Variants in LRRTM4 observed in about 807,000 individuals in gnomAD.
The protein encoded by LRRTM4 is leucine-rich repeat transmembrane neuronal protein 4.
Under a neutral mutation model 47.6 loss-of-function variants are expected in LRRTM4, and 25 were observed. That is an observed-to-expected ratio of 0.53 (90% CI 0.38 to 0.73). LRRTM4 has a LOEUF of 0.73. LRRTM4 is among the 30% of genes least tolerant of loss of function. The probability of loss-of-function intolerance (pLI) is 0.00; values close to 1 mark genes in which losing one functional copy is unlikely to be tolerated. For synonymous variants in LRRTM4, 311 were observed against 269.5 expected, an observed-to-expected ratio of 1.15 and a Z score of -1.51; for missense variants, 638 against 713.4, an observed-to-expected ratio of 0.89 and a Z score of 1.20.
chr2:77,375,467 A>G (rs1558714156), intron 3 of LRRTM4, among the ~76,000 whole-genome samples: 1 of 151,674 alleles, frequency 6.6e-6, no homozygotes, highest in Non-Finnish European at 1.5e-5. Flanking sequence ...CATGAGATAT[A>G]CTCTCTTGAC....
chr2:77,170,840 T>TTA (rs150252583), intron 3 of LRRTM4, among the ~76,000 whole-genome samples: 4,356 of 149,134 alleles, frequency 0.029, 179 homozygotes, highest in African/African-American at 0.099. Context: ...GTATAAAACC[T>TTA]TATATATATA....
chr2:77,037,771 C>A (rs1352924282), intron 3 of LRRTM4, among the ~76,000 whole-genome samples: 1 of 151,762 alleles, frequency 6.6e-6, no homozygotes, highest in Non-Finnish European at 1.5e-5. Context: ...GGAACATCAA[C>A]CACCAGAGTT....
chr2:76,983,073 TCAAA>T (rs1676669586), intron 3 of LRRTM4, among the ~76,000 whole-genome samples: 3 of 152,058 alleles, frequency 2.0e-5, no homozygotes, highest in Non-Finnish European at 4.4e-5. Context: ...TCCTTTACAT[TCAAA>T]CAGATTTTAA....
At chr2:77,314,565 C>T (rs1677563569) in intron 3 of LRRTM4, among the ~76,000 whole-genome samples, 1 of 151,986 alleles carries the variant, frequency 6.6e-6, no homozygotes, top group Non-Finnish European at 1.5e-5. Context: ...AAAAGTTATT[C>T]GGCAGGATTA....
intron 3 of LRRTM4, among the ~76,000 whole-genome samples, chr2:76,807,138 C>T (rs944245405): frequency 6.6e-6 from 1 of 151,970 alleles, no homozygotes; most frequent in East Asian, 1.9e-4. Flanking sequence ...AAATACCCTA[C>T]TTAGTCATTT....
intron 3 of LRRTM4, among the ~76,000 whole-genome samples, chr2:77,254,758 A>T (rs1675715188): frequency 6.6e-6 from 1 of 151,906 alleles, no homozygotes; most frequent in South Asian, 2.1e-4. Context: ...ATGCATAGAG[A>T]AAATACTTAA....
intron 3 of LRRTM4, among the ~76,000 whole-genome samples, chr2:77,130,855 G>T (rs1423889835): frequency 1.5e-4 from 3 of 20,262 alleles, no homozygotes; most frequent in Non-Finnish European, 8.3e-5. Context: ...TTTTTTTTGA[G>T]ACGGAGTCTC....
intron 3 of LRRTM4, among the ~76,000 whole-genome samples, chr2:76,999,446 A>G (rs116118761): frequency 5.2e-5 from 7 of 133,464 alleles, no homozygotes; most frequent in Non-Finnish European, 5.9e-5. Context: ...AAAGGAAACA[A>G]AACAAAAAAA....
intron 3 of LRRTM4, among the ~76,000 whole-genome samples, chr2:77,476,973 T>A (rs1001846665): frequency 4.9e-5 from 7 of 143,148 alleles, no homozygotes; most frequent in Non-Finnish European, 9.2e-5. Context: ...GATGTGTGTG[T>A]GTGTGTGTGT....
At chr2:76,841,964 G>C (rs1027312709) in intron 3 of LRRTM4, among the ~76,000 whole-genome samples, 8 of 152,138 alleles carry the variant, frequency 5.3e-5, no homozygotes, top group African/African-American at 1.9e-4. Context: ...GACATTTCTT[G>C]TGATGATTAA....
At chr2:77,415,600 C>A (rs1339491661) in intron 3 of LRRTM4, among the ~76,000 whole-genome samples, 1 of 152,276 alleles carries the variant, frequency 6.6e-6, no homozygotes, top group African/African-American at 2.4e-5. Flanking sequence ...CATTCTACTG[C>A]TCCCATCTAT....
chr2:76,787,700 G>A (rs1674751362), intron 3 of LRRTM4, among the ~76,000 whole-genome samples: 1 of 152,008 alleles, frequency 6.6e-6, no homozygotes, highest in South Asian at 2.1e-4. Context: ...TATTCGGGTT[G>A]ATTCTTATCC....
chr2:76,938,268 C>T (rs1050404183), intron 3 of LRRTM4, among the ~76,000 whole-genome samples: 1 of 152,112 alleles, frequency 6.6e-6, no homozygotes, highest in Non-Finnish European at 1.5e-5. Context: ...AAAAATGCAT[C>T]ATTTGGTCCT....
In LRRTM4 at chr2:76,763,063, C is replaced by T. The variant is rs541791442; in HGVS notation, c.1552-14147G>A. Among the ~76,000 whole-genome samples the T allele has an allele frequency of 3.9e-5, 6 of 152,178 alleles. No homozygotes were observed. In the South Asian group the frequency reaches 1.0e-3, roughly 26 times the overall value. On this transcript the variant is annotated intron_variant, in intron 3 of 3. Transcript: ENST00000409884. ...AGAATGGCATTCTCTTCCTTTCTAT[C>T]GCCTAGGATTGAGGAGGTAGGAAGT...
intron 3 of LRRTM4, among the ~76,000 whole-genome samples, chr2:77,291,752 T>G (rs992870320): frequency 1.3e-5 from 2 of 152,180 alleles, no homozygotes; most frequent in African/African-American, 4.8e-5. Context: ...TTATTTTGAA[T>G]GACAAAAATT....
chr2:77,133,877 T>C (rs1002081851), intron 3 of LRRTM4, among the ~76,000 whole-genome samples: 10 of 152,230 alleles, frequency 6.6e-5, no homozygotes, highest in African/African-American at 2.2e-4. Flanking sequence ...AAGTTTGTTC[T>C]ATTGTGTTTT....
At chr2:77,126,241 AG>A (rs1308554199) in intron 3 of LRRTM4, among the ~76,000 whole-genome samples, 1 of 152,178 alleles carries the variant, frequency 6.6e-6, no homozygotes, top group African/African-American at 2.4e-5. Flanking sequence ...AGTCCAATAA[AG>A]GAATACATTA....
At chr2:77,480,785 AGTGTGTGTGTGTGTGT>A (rs150441689) in intron 3 of LRRTM4, among the ~76,000 whole-genome samples, 40 of 102,212 alleles carry the variant, frequency 3.9e-4, no homozygotes, top group Non-Finnish European at 7.1e-4. Context: ...CTGTTTTAGG[AGTGTGTGTGTGTGTGT>A]GTGTGTGTGT....
At chr2:77,353,351 C>G (rs1202246651) in intron 3 of LRRTM4, among the ~76,000 whole-genome samples, 2 of 152,106 alleles carry the variant, frequency 1.3e-5, no homozygotes, top group African/African-American at 4.8e-5. Flanking sequence ...TGGGGTAGCC[C>G]TGCTACAAAG....
Sources: gnomAD v4.1 joint callset for allele counts (sites outside exome capture counted in the v4.1 genomes callset) on GRCh38, gnomAD v4.1.1 for gene constraint, MANE v1.5 for transcripts, NCBI Gene and HGNC (gene_info 2026-07-23, HGNC 2026-07-21) for gene names.